DENND4C: variants seen among roughly 807,000 people sequenced by gnomAD.
The protein encoded by DENND4C is DENN domain-containing protein 4C.
In DENND4C, 108 loss-of-function variants were observed where a neutral mutation model predicts 203.0. That is an observed-to-expected ratio of 0.53 (90% CI 0.46 to 0.62). The LOEUF (loss-of-function observed/expected upper bound fraction) is 0.62, where lower values mean the gene tolerates loss of function less well. Ranked by LOEUF, DENND4C falls within the 20% of genes least tolerant of loss-of-function variation. The pLI, the probability that DENND4C is intolerant of heterozygous loss-of-function variation, is 0.00. For synonymous variants in DENND4C, 871 were observed against 792.4 expected, an observed-to-expected ratio of 1.10 and a Z score of -1.67; for missense variants, 2,481 against 2,301.2, an observed-to-expected ratio of 1.08 and a Z score of -1.60.
intron 20 of DENND4C, among the ~76,000 whole-genome samples, chr9:19,337,307 A>G (rs530758861): frequency 3.0e-4 from 45 of 152,368 alleles, no homozygotes; most frequent in Non-Finnish European, 6.0e-4. Flanking sequence ...GTACATAGCC[A>G]TGGGAATAAT....
rs376698477 is a variant in DENND4C, at chr9:19,358,307, G to A, written c.5160+147G>A. ...TAAACAAATAACTTTTTATTGTGGA[G>A]AATTTCAAATATGTACAAAAAGAAA... On this transcript the variant is annotated intron_variant, in intron 28 of 32. Transcript: ENST00000434457. The surrounding 1 kb of genome is among the most constrained non-coding windows in gnomAD (Gnocchi z 4.8). The A allele has an allele frequency of 1.6e-6, 1 of 639,766 alleles. No homozygotes were observed. The highest frequency in any genetic ancestry group is 3.5e-5 in the Admixed American group (1 of 28,916). 39.6% of individuals were successfully genotyped at this position (639,766 alleles called of 1,614,324 possible). A position where few individuals can be genotyped will look rare whatever the true frequency, so the allele number is the denominator to read the frequency against.
intron 21 of DENND4C, 28 bp downstream of exon 21, chr9:19,341,142 C>A: frequency 6.4e-7 from 1 of 1,555,048 alleles, no homozygotes; most frequent in Non-Finnish European, 8.8e-7. Flanking sequence ...ACGAACTTTA[C>A]TTAGAATAAT....
chr9:19,316,447 G>T lies in DENND4C; in HGVS notation c.1518G>T (p.Lys506Asn), dbSNP rs1167733636. 1 of 1,613,706 alleles carries T rather than the reference G, an allele frequency of 6.2e-7. No individual in the cohort carries two copies. The highest frequency in any genetic ancestry group is 8.5e-7 in the Non-Finnish European group (1 of 1,179,884). The change falls in exon 11 of 33, where the codon AAG becomes AAT. Residue 506 changes from lysine to asparagine, a missense_variant. Transcript: ENST00000434457. ...VSDEKKNMNWKQLPKKPCKNL... is the reference protein window; with the variant it reads ...VSDEKKNMNWNQLPKKPCKNL... ...ATGAAAAGAAGAACATGAACTGGAA[G>T]CAACTTCCCAAAAAGCCGTGCAAAA...
chr9:19,243,569 T>G (rs1824323827), intron 1 of DENND4C, among the ~76,000 whole-genome samples: 1 of 152,206 alleles, frequency 6.6e-6, no homozygotes, highest in South Asian at 2.1e-4. Flanking sequence ...TCTCTCTCTG[T>G]GGATTTGCCT....
intron 1 of DENND4C, among the ~76,000 whole-genome samples, chr9:19,261,268 A>G (rs376555176): frequency 6.6e-6 from 1 of 152,008 alleles, no homozygotes. Flanking sequence ...CTATAGCTCT[A>G]GTATAATTTG....
chr9:19,293,320 C>CT (rs1300395567), intron 5 of DENND4C, among the ~76,000 whole-genome samples: 1 of 152,112 alleles, frequency 6.6e-6, no homozygotes, highest in African/African-American at 2.4e-5. Context: ...TTGTTAAAAA[C>CT]TTTGAGATCA....
intron 13 of DENND4C, among the ~76,000 whole-genome samples, chr9:19,325,515 C>G (rs1330706539): frequency 1.3e-5 from 2 of 152,052 alleles, no homozygotes; most frequent in Non-Finnish European, 2.9e-5. Flanking sequence ...ATAATTTTCT[C>G]CTATCAGTGT....
intron 16 of DENND4C, among the ~76,000 whole-genome samples, chr9:19,329,869 A>G (rs372132822): frequency 6.6e-6 from 1 of 152,226 alleles, no homozygotes; most frequent in South Asian, 2.1e-4. Flanking sequence ...CTTTACTACT[A>G]TATGTGATTT....
Position 19,346,902 on chromosome 9 carries a change from T to A in DENND4C, c.4133T>A (p.Leu1378Gln). ...HKERSTSLSA[L>Q]VRSSPHGSLG... ...GAACGTTCAACTTCTTTGTCAGCACTGGTGCGTTCTTCGCCACATGGCTCG... is the reference window on the plus strand; with the variant it reads ...GAACGTTCAACTTCTTTGTCAGCACAGGTGCGTTCTTCGCCACATGGCTCG... Residue 1378 changes from leucine to glutamine, a missense_variant, in exon 23 of 33, where the codon CTG (leucine) becomes CAG (glutamine). Leu to Gln is a moderately radical substitution (Grantham distance 113, BLOSUM62 -2). Transcript: ENST00000434457. The A allele has an allele frequency of 6.2e-7, 1 of 1,614,224 alleles. No individual in the cohort carries two copies. Among genetic ancestry groups the A allele is most frequent in the Non-Finnish European group, 8.5e-7 (1 of 1,180,034 alleles).
chr9:19,260,056 C>T (rs1828974489), intron 1 of DENND4C, among the ~76,000 whole-genome samples: 1 of 152,156 alleles, frequency 6.6e-6, no homozygotes, highest in South Asian at 2.1e-4. Flanking sequence ...TCCATAGTTA[C>T]CATACTAGTT....
At chr9:19,299,203 T>C in intron 7 of DENND4C, 26 bp from the exon 8 acceptor site, 1 of 1,513,512 alleles carries the variant, frequency 6.6e-7, no homozygotes, top group Non-Finnish European at 8.9e-7. Context: ...TATCTTTGGT[T>C]AATTTATCTT....
chr9:19,316,866 T>C, intron 12 of DENND4C, 27 bp downstream of exon 12: 1 of 1,554,918 alleles, frequency 6.4e-7, no homozygotes. Context: ...GTACAATTCC[T>C]TTTATTGAGG....
rs572689207 is a variant in DENND4C at position 19,246,084 on chromosome 9, T to C, written c.-18+15251T>C. On this transcript the variant is annotated intron_variant, in intron 1 of 32. Coordinates refer to ENST00000434457, the MANE Select transcript of DENND4C (RefSeq NM_001330640.2). ...CCTCATATATTCTCTTCTTAACTTA[T>C]CCAATTATATTGATTCATTTAATAA... is the stretch of plus-strand genomic sequence containing the variant. Among the ~76,000 whole-genome samples the C allele has an allele frequency of 4.0e-5, 6 of 151,402 alleles. No homozygotes were observed. In the South Asian group the frequency reaches 1.0e-3, roughly 26 times the overall value.
intron 10 of DENND4C, among the ~76,000 whole-genome samples, chr9:19,311,029 T>G (rs985451223): frequency 6.6e-6 from 1 of 152,244 alleles, no homozygotes; most frequent in Non-Finnish European, 1.5e-5. Context: ...ATATAATGCT[T>G]TTATTTTTGT....
chr9:19,287,108 T>C, intron 3 of DENND4C, 87 bp downstream of exon 3: 2 of 1,112,358 alleles, frequency 1.8e-6, no homozygotes, highest in South Asian at 9.5e-5. Flanking sequence ...GGGTATATAC[T>C]CACATTTTAT....
At chr9:19,274,591 G>A (rs150033411) in intron 1 of DENND4C, among the ~76,000 whole-genome samples, 1 of 152,212 alleles carries the variant, frequency 6.6e-6, no homozygotes, top group South Asian at 2.1e-4. Flanking sequence ...CACCGTGCCC[G>A]GCCTGGATAT....
At chr9:19,230,894 G>A (rs1315147422) in intron 1 of DENND4C, 61 bp downstream of exon 1, 3 of 152,394 alleles carry the variant, frequency 2.0e-5, no homozygotes, top group Non-Finnish European at 4.4e-5. Flanking sequence ...CGCGGGGCCT[G>A]CGCTGCAAGG....
intron 1 of DENND4C, among the ~76,000 whole-genome samples, chr9:19,237,308 C>G (rs573264344): frequency 6.6e-6 from 1 of 152,046 alleles, no homozygotes; most frequent in Non-Finnish European, 1.5e-5. Flanking sequence ...CGTGAGCCAC[C>G]ACGCCCGGCC....
intron 3 of DENND4C, among the ~76,000 whole-genome samples, chr9:19,288,003 G>A (rs961415813): frequency 2.0e-5 from 3 of 152,146 alleles, no homozygotes; most frequent in African/African-American, 7.2e-5. Flanking sequence ...CAAAGTGCTG[G>A]GATTACAGGC....
Sources: allele counts gnomAD v4.1 joint callset (sites outside exome capture counted in the v4.1 genomes callset), GRCh38; gene constraint gnomAD v4.1.1; non-coding constraint Gnocchi (gnomAD v3.1); transcripts MANE v1.5; gene names NCBI Gene and HGNC (gene_info 2026-07-23, HGNC 2026-07-21).